The following DLGAP2 variants were observed in gnomAD, a reference collection of about 807,000 sequenced individuals.
DLGAP2 encodes disks large-associated protein 2.
DLGAP2 carries 26 observed loss-of-function variants against 100.3 expected under a neutral mutation model. The ratio of observed to expected loss-of-function variants is 0.26; its 90% CI spans 0.19 to 0.36. The LOEUF (loss-of-function observed/expected upper bound fraction) is 0.36, where lower values mean the gene tolerates loss of function less well. Ranked by LOEUF, DLGAP2 falls within the 10% of genes least tolerant of loss-of-function variation. The probability of loss-of-function intolerance (pLI) is 1.00; values close to 1 mark genes in which losing one functional copy is unlikely to be tolerated. For missense variants in DLGAP2, 1,858 were observed against 1,453.2 expected, an observed-to-expected ratio of 1.28 and a Z score of -4.53; for synonymous variants, 886 against 630.1, an observed-to-expected ratio of 1.41 and a Z score of -6.08.
At chr8:1,246,330 T>G (rs1380497967) in intron 2 of DLGAP2, among the ~76,000 whole-genome samples, 1 of 152,232 alleles carries the variant, frequency 6.6e-6, no homozygotes, top group East Asian at 1.9e-4. Flanking sequence ...TTTAAGAATG[T>G]GAATTTCAAG....
At chr8:1,500,211 C>A (rs1799672521) in intron 3 of DLGAP2, among the ~76,000 whole-genome samples, 1 of 152,272 alleles carries the variant, frequency 6.6e-6, no homozygotes, top group Admixed American at 6.5e-5. Flanking sequence ...GCCAAATTCT[C>A]CCTTATCTGA....
chr8:1,317,527 C>T (rs1402304045), intron 3 of DLGAP2, among the ~76,000 whole-genome samples: 1 of 118,246 alleles, frequency 8.5e-6, no homozygotes, highest in Non-Finnish European at 1.7e-5. Context: ...AAAATAGAGG[C>T]TGTGCGAGTG....
intron 3 of DLGAP2, among the ~76,000 whole-genome samples, chr8:1,261,586 G>A (rs1458399437): frequency 1.3e-5 from 2 of 150,424 alleles, no homozygotes; most frequent in African/African-American, 2.5e-5. Flanking sequence ...GCAGTGGGGG[G>A]TGGGGCTCCC....
chr8:1,180,830 A>G (rs895873023), intron 2 of DLGAP2, among the ~76,000 whole-genome samples: 1 of 148,486 alleles, frequency 6.7e-6, no homozygotes, highest in African/African-American at 2.5e-5. Context: ...TGTGTGGTGC[A>G]CGTCCTGTGC....
At chr8:1,433,570 T>C (rs1315942353) in intron 3 of DLGAP2, among the ~76,000 whole-genome samples, 1 of 152,158 alleles carries the variant, frequency 6.6e-6, no homozygotes, top group Admixed American at 6.6e-5. Context: ...TGAAGAATAG[T>C]CCTAATCAAT....
intron 2 of DLGAP2, among the ~76,000 whole-genome samples, chr8:957,427 G>A (rs1017697614): frequency 3.3e-5 from 5 of 152,200 alleles, no homozygotes; most frequent in African/African-American, 9.7e-5. Context: ...GGTTTAAAGC[G>A]TATTTTTCAC....
At chr8:857,242 T>C (rs1255928026) in intron 1 of DLGAP2, among the ~76,000 whole-genome samples, 1 of 152,162 alleles carries the variant, frequency 6.6e-6, no homozygotes, top group Admixed American at 6.5e-5. Context: ...ATAAAAGTCC[T>C]AGGAGACAAT....
At position 1,221,977 on chromosome 8, in the gene DLGAP2, G is replaced by A. The variant is rs765301506; in HGVS notation, c.74-36874G>A. ...TTGGTTCTGTCTGAAAATTGTTGTC[G>A]TTCAACTGTTGGACCATTTTACTGT... is the stretch of plus-strand genomic sequence containing the variant. On this transcript the variant is annotated intron_variant, in intron 2 of 14. Transcript: ENST00000637795. 1.3e-4 allele frequency among the ~76,000 whole-genome samples: 20 copies of A among 152,044 alleles called. 1 individual carries two copies. Among genetic ancestry groups the A allele is most frequent in the African/African-American group, 4.3e-4 (18 of 41,380 alleles).
chr8:827,912 T>G (rs554414206), intron 1 of DLGAP2, among the ~76,000 whole-genome samples: 1 of 152,226 alleles, frequency 6.6e-6, no homozygotes, highest in South Asian at 2.1e-4. Context: ...GAGAGAAATT[T>G]TAAAGCTGGG....
At position 1,598,652 on chromosome 8, in the gene DLGAP2, A is replaced by G. The variant is rs574191057; in HGVS notation, c.1443-28088A>G. Among the ~76,000 whole-genome samples, 31 of 152,212 alleles carry G rather than the reference A, an allele frequency of 2.0e-4. 1 individual carries two copies. The highest frequency in any genetic ancestry group is 7.2e-4 in the African/African-American group (30 of 41,540). ...TCTAGATTTTCTAGTTTATTTGTGT[A>G]GAGGTGTTTATAGTGTTCTCTGATT... On this transcript the variant is annotated intron_variant, in intron 6 of 14. Coordinates refer to ENST00000637795, the MANE Select transcript of DLGAP2 (RefSeq NM_001346810.2).
chr8:1,218,329 G>A (rs547947913), intron 2 of DLGAP2, among the ~76,000 whole-genome samples: 27 of 152,166 alleles, frequency 1.8e-4, no homozygotes, highest in Admixed American at 4.6e-4. Flanking sequence ...TTCCAGCACC[G>A]TTTATTGAAT....
At chr8:1,193,200 G>T (rs1422324683) in intron 2 of DLGAP2, among the ~76,000 whole-genome samples, 1 of 152,128 alleles carries the variant, frequency 6.6e-6, no homozygotes, top group Non-Finnish European at 1.5e-5. Flanking sequence ...TAATGGGATT[G>T]CTGGGTCAAA....
intron 2 of DLGAP2, among the ~76,000 whole-genome samples, chr8:1,140,165 C>G (rs1023251434): frequency 6.6e-6 from 1 of 152,136 alleles, no homozygotes; most frequent in Non-Finnish European, 1.5e-5. Context: ...TGGCCAGGCC[C>G]ATGTCGTAGC....
At chr8:1,626,663 G>T (rs1414782035) in intron 6 of DLGAP2, 77 bp from the exon 7 acceptor site, 2 of 1,531,162 alleles carry the variant, frequency 1.3e-6, no homozygotes, top group Admixed American at 3.9e-5. Context: ...TCTGGGTGTG[G>T]GTTGGATGGT....
At position 881,666 on chromosome 8, in the gene DLGAP2, A is replaced by AT; in HGVS notation, c.19-26246_19-26245insT. Among the ~76,000 whole-genome samples, 127 of 131,072 alleles carry AT rather than the reference A, an allele frequency of 9.7e-4. 6 individuals carry two copies. Among genetic ancestry groups the AT allele is most frequent in the African/African-American group, 3.3e-3 (122 of 36,766 alleles). The allele number at this position is 131,072 out of a possible 152,430, so 86.0% of individuals were successfully genotyped here. ...AGGCGCACGCCACCACTTGTGGCTGAACACACACACACACACTTTTTTTTT... is the reference window on the plus strand; with the variant it reads ...AGGCGCACGCCACCACTTGTGGCTGATACACACACACACACACTTTTTTTTT... On this transcript the variant is annotated intron_variant, in intron 1 of 14. Transcript: ENST00000637795.
At chr8:1,372,325 C>G (rs560366595) in intron 3 of DLGAP2, among the ~76,000 whole-genome samples, 1 of 152,242 alleles carries the variant, frequency 6.6e-6, no homozygotes, top group South Asian at 2.1e-4. Context: ...ACCGTGCTGC[C>G]AACACTAGGA....
chr8:1,438,082 A>G (rs1401574265), intron 3 of DLGAP2, among the ~76,000 whole-genome samples: 1 of 152,202 alleles, frequency 6.6e-6, no homozygotes, highest in Non-Finnish European at 1.5e-5. Context: ...GGCTGTTTTC[A>G]CTTCAGAAAC....
Position 1,683,834 on chromosome 8 carries a change from C to CTATATATATATGTATATATA in DLGAP2, c.2704+5216_2704+5217insGTATATATATATATATATAT, listed in dbSNP as rs1554430742. ...CCTGATTTTCCTTGTCTTTGCTCCA[C>CTATATATATATGTATATATA]TATATATATATATATATATATATGT... On this transcript the variant is annotated intron_variant, in intron 12 of 14. Transcript: ENST00000637795. Among the ~76,000 whole-genome samples the CTATATATATATGTATATATA allele has an allele frequency of 2.5e-4, 14 of 56,206 alleles. 2 individuals carry two copies. The highest frequency in any genetic ancestry group is 1.3e-3 in the African/African-American group (14 of 10,538). 36.9% of individuals were successfully genotyped at this position (56,206 alleles called of 152,430 possible).
intron 3 of DLGAP2, among the ~76,000 whole-genome samples, chr8:1,435,529 C>T (rs564567099): frequency 4.6e-5 from 7 of 152,076 alleles, no homozygotes; most frequent in Admixed American, 1.3e-4. Flanking sequence ...GAAGTGTAGC[C>T]GTAGAGGGAT....
Sources: gnomAD v4.1 joint callset for allele counts (sites outside exome capture counted in the v4.1 genomes callset) on GRCh38, gnomAD v4.1.1 for gene constraint, MANE v1.5 for transcripts, NCBI Gene and HGNC (gene_info 2026-07-23, HGNC 2026-07-21) for gene names.